CAMTA1: variants seen among roughly 807,000 people sequenced by gnomAD.
The protein encoded by CAMTA1 is calmodulin binding transcription activator 1, also known as calmodulin-binding transcription activator 1.
In CAMTA1, 27 loss-of-function variants were observed where a neutral mutation model predicts 170.9. The ratio of observed to expected loss-of-function variants is 0.16; its 90% CI spans 0.12 to 0.22. CAMTA1 has a LOEUF of 0.22. Ranked by LOEUF, CAMTA1 falls within the 10% of genes least tolerant of loss-of-function variation. CAMTA1 has a pLI of 1.00. For synonymous variants in CAMTA1, 833 were observed against 891.5 expected (o/e 0.93, Z 1.17); for missense variants, 1,619 against 2,217.2 (o/e 0.73, Z 5.42).
Position 7,337,616 on chromosome 1 carries a change from A to T in CAMTA1, c.438+87990A>T, listed in dbSNP as rs199598205. Reference sequence around the variant, plus strand: ...GGGCAGTGGGCCTCATCCAATCACAATGTGGGCGGTGGGCCTCATCCAATC... The same window carrying T: ...GGGCAGTGGGCCTCATCCAATCACATTGTGGGCGGTGGGCCTCATCCAATC... On this transcript the variant is annotated intron_variant, in intron 5 of 22. Coordinates refer to ENST00000303635, the MANE Select transcript of CAMTA1 (RefSeq NM_015215.4). 5.0e-3 allele frequency among the ~76,000 whole-genome samples: 526 copies of T among 106,202 alleles called. 3 individuals carry two copies. The highest frequency in any genetic ancestry group is 8.1e-3 in the Non-Finnish European group (395 of 48,654). The allele number at this position is 106,202 out of a possible 152,430, so 69.7% of individuals were successfully genotyped here.
chr1:7,592,048 G>A lies in CAMTA1; in HGVS notation c.511-48352G>A, dbSNP rs952632996. On this transcript the variant is annotated intron_variant, in intron 6 of 22. Coordinates refer to ENST00000303635, the MANE Select transcript of CAMTA1 (RefSeq NM_015215.4). The surrounding 1 kb of genome is among the most constrained non-coding windows in gnomAD (Gnocchi z 4.6). ...TAAGTAGCTGGGATTACAGGTGCAT[G>A]CCACCATACCTAGCTAATTTTTATA... 6.6e-6 allele frequency among the ~76,000 whole-genome samples: 1 copy of A among 152,156 alleles called. No homozygotes were observed. The highest frequency in any genetic ancestry group is 1.5e-5 in the Non-Finnish European group (1 of 68,032).
chr1:7,735,646 G>A (rs1368324463), intron 12 of CAMTA1, among the ~76,000 whole-genome samples: 1 of 152,114 alleles, frequency 6.6e-6, no homozygotes, highest in Non-Finnish European at 1.5e-5. Context: ...CCTAATCAGA[G>A]TGTCAGCCCT....
chr1:7,153,934 G>A (rs887133709), intron 4 of CAMTA1, among the ~76,000 whole-genome samples: 12 of 152,220 alleles, frequency 7.9e-5, no homozygotes, highest in African/African-American at 2.9e-4. Flanking sequence ...CTAGGCCTGG[G>A]CTCCGGCCAC....
intron 5 of CAMTA1, among the ~76,000 whole-genome samples, chr1:7,331,890 T>C (rs531016401): frequency 1.3e-5 from 2 of 152,316 alleles, no homozygotes; most frequent in East Asian, 1.9e-4. Context: ...CAGAGCTCTT[T>C]TGAGGTCTTT....
Position 7,565,513 on chromosome 1 carries a change from G to T in CAMTA1, c.511-74887G>T, listed in dbSNP as rs114576296. On this transcript the variant is annotated intron_variant, in intron 6 of 22. Coordinates refer to ENST00000303635, the MANE Select transcript of CAMTA1 (RefSeq NM_015215.4). This position sits in a 1 kb window ranked among gnomAD's most constrained non-coding sequence, Gnocchi z 4.5. ...GTCCACATCAGGGGCTGGGCTTTCC[G>T]CAGAGAGCCTGGCTCTAGGCTGTCC... Among the ~76,000 whole-genome samples, 3 of 152,168 alleles carry T rather than the reference G, an allele frequency of 2.0e-5. No individual in the cohort carries two copies. The highest frequency in any genetic ancestry group is 4.4e-5 in the Non-Finnish European group (3 of 68,024).
intron 11 of CAMTA1, among the ~76,000 whole-genome samples, chr1:7,728,136 A>G (rs1033360739): frequency 6.6e-6 from 1 of 152,246 alleles, no homozygotes; most frequent in Non-Finnish European, 1.5e-5. Context: ...GCATAGCAAC[A>G]GGGAATGCAG....
At chr1:7,259,826 C>T (rs1339462624) in intron 5 of CAMTA1, among the ~76,000 whole-genome samples, 1 of 152,228 alleles carries the variant, frequency 6.6e-6, no homozygotes, top group Non-Finnish European at 1.5e-5. Context: ...ACAGTTCCCT[C>T]AGCCTTTGTT....
chr1:7,747,908 T>G (rs74874507), intron 19 of CAMTA1, 127 bp downstream of exon 19: 13 of 282,156 alleles, frequency 4.6e-5, no homozygotes, highest in Middle Eastern at 4.4e-4. Flanking sequence ...TTTTGGTTGT[T>G]TTTTTTTTTT....
intron 11 of CAMTA1, among the ~76,000 whole-genome samples, chr1:7,709,411 A>T (rs923763060): frequency 1.3e-5 from 2 of 152,210 alleles, no homozygotes; most frequent in Admixed American, 6.5e-5. Context: ...CCTTTGGTTC[A>T]GTCTTGTTTG....
intron 16 of CAMTA1, among the ~76,000 whole-genome samples, chr1:7,743,156 A>G (rs941996272): frequency 1.3e-5 from 2 of 151,546 alleles, no homozygotes; most frequent in Non-Finnish European, 2.9e-5. Flanking sequence ...GCCTGGCCCA[A>G]TATATTTTTC....
intron 4 of CAMTA1, among the ~76,000 whole-genome samples, chr1:7,130,021 C>T (rs986252050): frequency 6.6e-6 from 1 of 151,976 alleles, no homozygotes; most frequent in Non-Finnish European, 1.5e-5. Flanking sequence ...ACTGAAACCT[C>T]CACCTCCCAG....
intron 6 of CAMTA1, among the ~76,000 whole-genome samples, chr1:7,555,445 G>A (rs994582095): frequency 2.0e-5 from 3 of 152,122 alleles, no homozygotes; most frequent in South Asian, 2.1e-4. Context: ...CCACCCCACA[G>A]CCCTGCTCCT....
At chr1:7,500,745 T>TCCCTTGCCTCAGAGTCTGCGGGTGGCTTC in intron 6 of CAMTA1, among the ~76,000 whole-genome samples, 1 of 152,146 alleles carries the variant, frequency 6.6e-6, no homozygotes, top group Non-Finnish European at 1.5e-5. Flanking sequence ...GGGCCGGTGT[T>TCCCTTGCCTCAGAGTCTGCGGGTGGCTTC]CCCTTGCCTC....
rs1699604583 is a variant in CAMTA1, at chr1:7,010,308, C to G, written c.235-80996C>G. On this transcript the variant is annotated intron_variant, in intron 3 of 22. Transcript: ENST00000303635. The surrounding 1 kb of genome is among the most constrained non-coding windows in gnomAD (Gnocchi z 4.4). ...CTGGGCCGCCCCCTCACTCGGCGTC[C>G]AGTGCTCAGGCCTCTGGGCTCTCTC... 6.6e-6 allele frequency among the ~76,000 whole-genome samples: 1 copy of G among 152,144 alleles called. No individual in the cohort carries two copies.
intron 1 of CAMTA1, among the ~76,000 whole-genome samples, chr1:6,790,623 TAGTG>T (rs1014767259): frequency 2.0e-5 from 3 of 152,182 alleles, no homozygotes; most frequent in East Asian, 1.9e-4. Context: ...TCATAGTAGA[TAGTG>T]AGAACTGTAT....
intron 5 of CAMTA1, among the ~76,000 whole-genome samples, chr1:7,406,396 T>C (rs752453144): frequency 2.2e-4 from 33 of 152,318 alleles, no homozygotes; most frequent in Non-Finnish European, 4.6e-4. Context: ...CAGAAGCCAC[T>C]ATGCAGGGCA....
intron 4 of CAMTA1, among the ~76,000 whole-genome samples, chr1:7,135,151 C>T (rs1468078269): frequency 6.6e-6 from 1 of 152,110 alleles, no homozygotes; most frequent in Non-Finnish European, 1.5e-5. Context: ...CTTTGGGAGG[C>T]CGGGGCAGGC....
chr1:7,498,392 A>T (rs917484245), intron 6 of CAMTA1, among the ~76,000 whole-genome samples: 3 of 147,400 alleles, frequency 2.0e-5, no homozygotes, highest in East Asian at 4.0e-4. Context: ...GATGTGTGTG[A>T]GTGAATGTGT....
intron 3 of CAMTA1, among the ~76,000 whole-genome samples, chr1:6,885,838 G>T (rs1432455052): frequency 1.3e-5 from 2 of 151,978 alleles, no homozygotes; most frequent in Non-Finnish European, 2.9e-5. Flanking sequence ...CTTTCTGTCC[G>T]TTCCTACTTG....
Sources: gnomAD v4.1 joint callset for allele counts (sites outside exome capture counted in the v4.1 genomes callset) on GRCh38, gnomAD v4.1.1 for gene constraint, Gnocchi (gnomAD v3.1) non-coding constraint, MANE v1.5 for transcripts, NCBI Gene and HGNC (gene_info 2026-07-23, HGNC 2026-07-21) for gene names.